Variants in FBXO34 observed in about 807,000 individuals in gnomAD.
FBXO34 encodes the protein F-box protein 34.
A neutral mutation model predicts 24.5 loss-of-function variants in FBXO34; 12 were observed. The observed-to-expected ratio is 0.49, with a 90% CI of 0.31 to 0.79. The LOEUF is 0.79. Ranked by LOEUF, FBXO34 falls within the 30% of genes least tolerant of loss-of-function variation. FBXO34 has a pLI of 0.04. For synonymous variants in FBXO34, 320 were observed against 311.9 expected (o/e 1.03, Z -0.27); for missense variants, 823 against 857.7 (o/e 0.96, Z 0.51).
At chr14:55,414,336 G>C in the FBXO34 span, 1 of 1,417,104 alleles carries the variant, frequency 7.1e-7, no homozygotes, top group African/African-American at 1.4e-5. Flanking sequence ...TGGGCTTATG[G>C]ACATATTCAA....
intron 1 of FBXO34, among the ~76,000 whole-genome samples, chr14:55,310,133 G>A (rs181146704): frequency 6.6e-6 from 1 of 152,198 alleles, no homozygotes; most frequent in Non-Finnish European, 1.5e-5. Context: ...ATGGATGGAG[G>A]TAGCAAGAAA....
chr14:55,288,082 A>G (rs994298907), intron 1 of FBXO34, among the ~76,000 whole-genome samples: 1 of 152,218 alleles, frequency 6.6e-6, no homozygotes, highest in Non-Finnish European at 1.5e-5. Flanking sequence ...CTGTGCTATC[A>G]GCCAGGAGGT....
At chr14:55,295,396 T>TC (rs1478468707) in intron 1 of FBXO34, among the ~76,000 whole-genome samples, 3 of 143,592 alleles carry the variant, frequency 2.1e-5, no homozygotes, top group African/African-American at 5.1e-5. Context: ...TATTTTTTTT[T>TC]TTTTTTTTTT....
At chr14:55,347,786 T>C (rs766678960) in intron 1 of FBXO34, among the ~76,000 whole-genome samples, 2 of 152,212 alleles carry the variant, frequency 1.3e-5, no homozygotes, top group African/African-American at 2.4e-5. Flanking sequence ...GCACCTAAAA[T>C]AATATATGGG....
the FBXO34 span, among the ~76,000 whole-genome samples, chr14:55,440,939 C>T: frequency 1.3e-5 from 2 of 152,182 alleles, no homozygotes; most frequent in African/African-American, 4.8e-5. Flanking sequence ...CTCCGCCTCC[C>T]GGGTTCAAGC....
At position 55,323,235 on chromosome 14, in the gene FBXO34, T is replaced by TA. The variant is rs1385910956; in HGVS notation, c.-10-27146_-10-27145insA. Among the ~76,000 whole-genome samples the TA allele has an allele frequency of 2.7e-3, 286 of 104,940 alleles. 7 individuals are homozygous for TA. Among genetic ancestry groups the TA allele is most frequent in the Non-Finnish European group, 3.6e-3 (208 of 57,546 alleles). 68.8% of individuals were successfully genotyped at this position (104,940 alleles called of 152,430 possible). ...AAAAAAAAAATATATATTTTTTTTT[T>TA]TTTTTTTTTTTTTAGAGACAGAGTC... On this transcript the variant is annotated intron_variant, in intron 1 of 1. Transcript: ENST00000313833.
At chr14:55,442,098 T>C in the FBXO34 span, among the ~76,000 whole-genome samples, 1 of 151,406 alleles carries the variant, frequency 6.6e-6, no homozygotes, top group Non-Finnish European at 1.5e-5. Context: ...TACGTAAAAA[T>C]GTACAGATTC....
chr14:55,328,363 C>T (rs1489413502), intron 1 of FBXO34, among the ~76,000 whole-genome samples: 1 of 152,152 alleles, frequency 6.6e-6, no homozygotes, highest in Non-Finnish European at 1.5e-5. Flanking sequence ...ACTACTCTTG[C>T]GCTTTAGGGC....
At chr14:55,346,954 C>CATT (rs1884180240) in intron 1 of FBXO34, among the ~76,000 whole-genome samples, 1 of 152,168 alleles carries the variant, frequency 6.6e-6, no homozygotes, top group Non-Finnish European at 1.5e-5. Flanking sequence ...CCTACTCTTA[C>CATT]ATTAGATCTA....
Position 55,332,681 on chromosome 14 carries a change from T to G in FBXO34, c.-10-17700T>G, listed in dbSNP as rs1328187495. 3.3e-5 allele frequency among the ~76,000 whole-genome samples: 5 copies of G among 152,220 alleles called. No individual in the cohort carries two copies. The East Asian group carries it at 7.7e-4, about 23-fold the overall frequency. On this transcript the variant is annotated intron_variant, in intron 1 of 1. Coordinates refer to ENST00000313833, the MANE Select transcript of FBXO34 (RefSeq NM_017943.4). ...TGGTGTACCTCATTATTTAGATTTT[T>G]TTATAACTTAAAATGTGGTATGTTT...
the FBXO34 span, among the ~76,000 whole-genome samples, chr14:55,407,120 C>T: frequency 6.6e-6 from 1 of 151,990 alleles, no homozygotes; most frequent in African/African-American, 2.4e-5. Flanking sequence ...CAACACAACA[C>T]CCAGCTAATT....
chr14:55,408,026 A>T, the FBXO34 span, among the ~76,000 whole-genome samples: 2 of 152,168 alleles, frequency 1.3e-5, no homozygotes, highest in African/African-American at 4.8e-5. Flanking sequence ...ACAAGGATGA[A>T]CTTATTTGAG....
At chr14:55,323,300 C>CAACTG (rs1204779236) in intron 1 of FBXO34, among the ~76,000 whole-genome samples, 1 of 134,332 alleles carries the variant, frequency 7.4e-6, no homozygotes, top group Admixed American at 7.9e-5. Flanking sequence ...CTCCTGGCCT[C>CAACTG]AACTGATCTT....
chr14:55,374,883 ACT>A (rs1378376333), downstream of FBXO34, among the ~76,000 whole-genome samples: 7 of 152,116 alleles, frequency 4.6e-5, no homozygotes, highest in African/African-American at 1.4e-4. Context: ...TGCTAACAGC[ACT>A]CTGTTTTAAT....
At chr14:55,342,226 T>C (rs143076510) in intron 1 of FBXO34, among the ~76,000 whole-genome samples, 2 of 152,356 alleles carry the variant, frequency 1.3e-5, no homozygotes, top group African/African-American at 4.8e-5. Flanking sequence ...AGGTAGGTGC[T>C]GTATTTAAAT....
chr14:55,437,344 A>G, the FBXO34 span, among the ~76,000 whole-genome samples: 1 of 152,214 alleles, frequency 6.6e-6, no homozygotes, highest in African/African-American at 2.4e-5. Flanking sequence ...AGAGCATGGT[A>G]GTGCCTGCCT....
intron 1 of FBXO34, among the ~76,000 whole-genome samples, chr14:55,305,364 A>G (rs7158861): frequency 0.36 from 54,027 of 150,472 alleles, 10,308 homozygotes; most frequent in Non-Finnish European, 0.42. Flanking sequence ...GCAGTGAGCC[A>G]AGATTGCACC....
the FBXO34 span, chr14:55,414,145 C>T: frequency 2.0e-6 from 1 of 510,210 alleles, no homozygotes; most frequent in Non-Finnish European, 3.6e-6. Context: ...TCTAGTGAGA[C>T]CCTAAATCTC....
intron 1 of FBXO34, among the ~76,000 whole-genome samples, chr14:55,325,226 A>G (rs1883300404): frequency 6.6e-6 from 1 of 152,226 alleles, no homozygotes; most frequent in South Asian, 2.1e-4. Context: ...TTGGGCTTGC[A>G]CAGTACTATT....
Sources: allele counts gnomAD v4.1 joint callset (sites outside exome capture counted in the v4.1 genomes callset), GRCh38; gene constraint gnomAD v4.1.1; transcripts MANE v1.5; gene names NCBI Gene and HGNC (gene_info 2026-07-23, HGNC 2026-07-21).